ZC3HC1: variants seen among roughly 807,000 people sequenced by gnomAD.
ZC3HC1 encodes the protein zinc finger C3HC-type protein 1.
ZC3HC1 carries 38 observed loss-of-function variants against 61.9 expected under a neutral mutation model. The observed-to-expected ratio is 0.61, with a 90% confidence interval of 0.47 to 0.81. The LOEUF (loss-of-function observed/expected upper bound fraction) is 0.81, where lower values mean the gene tolerates loss of function less well. ZC3HC1 is among the 30% of genes least tolerant of loss of function. The probability of loss-of-function intolerance (pLI) is 0.00; values close to 1 mark genes in which losing one functional copy is unlikely to be tolerated. For missense variants in ZC3HC1, 554 were observed against 622.7 expected, an observed-to-expected ratio of 0.89 and a Z score of 1.17; for synonymous variants, 213 against 229.9, an observed-to-expected ratio of 0.93 and a Z score of 0.67.
At chr7:130,019,809 GTTTTTTTTTT>G (rs754542017) in intron 9 of ZC3HC1, among the ~76,000 whole-genome samples, 5 of 95,796 alleles carry the variant, frequency 5.2e-5, no homozygotes, top group African/African-American at 2.1e-4. Context: ...GCTTTCACAG[GTTTTTTTTTT>G]TTTTTTTTTT....
At chr7:130,030,549 A>G (rs569195390) in intron 4 of ZC3HC1, among the ~76,000 whole-genome samples, 3 of 151,910 alleles carry the variant, frequency 2.0e-5, no homozygotes, top group Admixed American at 6.6e-5. Context: ...AGGGATTCAT[A>G]GGAAAAGTGA....
intron 4 of ZC3HC1, among the ~76,000 whole-genome samples, chr7:130,038,024 A>G (rs55828334): frequency 0.087 from 13,295 of 152,220 alleles, 856 homozygotes; most frequent in East Asian, 0.22. Flanking sequence ...TCAAACTCCT[A>G]AACTCAAGCA....
chr7:130,027,579 G>T (rs1211449201), intron 5 of ZC3HC1, among the ~76,000 whole-genome samples: 2 of 152,018 alleles, frequency 1.3e-5, no homozygotes, highest in Non-Finnish European at 2.9e-5. Context: ...GAGTGCAATG[G>T]TGCGATCTCG....
chr7:130,040,046 T>A (rs1250547617), intron 3 of ZC3HC1, among the ~76,000 whole-genome samples: 1 of 151,650 alleles, frequency 6.6e-6, no homozygotes. Context: ...AGCAGAGCAT[T>A]CCAAAGTGTG....
intron 4 of ZC3HC1, among the ~76,000 whole-genome samples, chr7:130,035,416 G>A (rs1794394381): frequency 6.6e-6 from 1 of 150,802 alleles, no homozygotes. Flanking sequence ...AAACAGCCGA[G>A]TGAAGTGGCT....
Position 130,023,991 on chromosome 7 carries a change from G to A in ZC3HC1, c.1021-268C>T, listed in dbSNP as rs1171104830. On this transcript the variant is annotated intron_variant, in intron 7 of 9. Coordinates refer to ENST00000358303, the MANE Select transcript of ZC3HC1 (RefSeq NM_016478.5). The surrounding 1 kb of genome is among the most constrained non-coding windows in gnomAD (Gnocchi z 4.2). ...ATTTTTGCATTTTTGGTAGAGACGG[G>A]GTTTCACCATGTTGGCCAGGCTGGT... Among the ~76,000 whole-genome samples, 1 of 151,906 alleles carries A rather than the reference G, an allele frequency of 6.6e-6. No homozygotes were observed. Among genetic ancestry groups the A allele is most frequent in the Non-Finnish European group, 1.5e-5 (1 of 67,984 alleles).
At chr7:130,050,500 A>C (rs1795035599) in intron 1 of ZC3HC1, 4 of 1,479,128 alleles carry the variant, frequency 2.7e-6, no homozygotes, top group Non-Finnish European at 3.6e-6. Context: ...TAGGCCAAAA[A>C]AAATTCACAG....
intron 4 of ZC3HC1, among the ~76,000 whole-genome samples, chr7:130,029,843 G>A (rs1794098862): frequency 6.6e-6 from 1 of 152,096 alleles, no homozygotes; most frequent in African/African-American, 2.4e-5. Context: ...AACTTACTGT[G>A]AGCTAAGAAT....
At chr7:130,050,842 A>G (rs1795047123) in intron 1 of ZC3HC1, among the ~76,000 whole-genome samples, 1 of 152,198 alleles carries the variant, frequency 6.6e-6, no homozygotes, top group Non-Finnish European at 1.5e-5. Flanking sequence ...TTATAATCCT[A>G]TGTAATTTAC....
rs2116665628 is a variant in ZC3HC1 at position 130,024,319 on chromosome 7, G to A, written c.964C>T (p.Pro322Ser). 1 of 1,614,134 alleles carries A rather than the reference G, an allele frequency of 6.2e-7. No individual in the cohort carries two copies. Among genetic ancestry groups the A allele is most frequent in the Non-Finnish European group, 8.5e-7 (1 of 1,180,014 alleles). ...TGGCTCCGGGTCATCATCCTCCGAGGAGATTCAGGCACCAGAGGTAAGCGC... is the reference window on the plus strand; with the variant it reads ...TGGCTCCGGGTCATCATCCTCCGAGAAGATTCAGGCACCAGAGGTAAGCGC... ...PERLPLVPES[P>S]RRMMTRSQDA... Residue 322 changes from proline (P) to serine (S), a missense_variant, in exon 7 of 10, where the codon CCT becomes TCT. Pro to Ser is a moderately conservative substitution (Grantham distance 74, BLOSUM62 -1). Coordinates refer to ENST00000358303, the MANE Select transcript of ZC3HC1 (RefSeq NM_016478.5).
intron 9 of ZC3HC1, among the ~76,000 whole-genome samples, chr7:130,019,642 T>C (rs1381477024): frequency 2.0e-5 from 3 of 152,008 alleles, no homozygotes; most frequent in African/African-American, 2.4e-5. Context: ...AGTAATTCAT[T>C]AGGAGACAAA....
chr7:130,043,874 C>G (rs1309073214), intron 2 of ZC3HC1: 4 of 455,028 alleles, frequency 8.8e-6, no homozygotes, highest in Non-Finnish European at 1.8e-5. Flanking sequence ...GGGGATTGAT[C>G]AAAGTAGTAA....
chr7:130,040,825 AT>A (rs1794627470), intron 3 of ZC3HC1, 125 bp downstream of exon 3: 1 of 996,390 alleles, frequency 1.0e-6, no homozygotes, highest in Non-Finnish European at 1.5e-6. Flanking sequence ...AAAAAAAAAG[AT>A]TAAAAAAAAA....
intron 4 of ZC3HC1, among the ~76,000 whole-genome samples, chr7:130,036,365 C>T (rs1361895375): frequency 6.6e-6 from 1 of 151,838 alleles, no homozygotes; most frequent in Non-Finnish European, 1.5e-5. Flanking sequence ...AAAAATAACA[C>T]TTTGGGAGGC....
At position 130,024,410 on chromosome 7, in the gene ZC3HC1, C is replaced by A; in HGVS notation, c.873G>T (p.Met291Ile). Residue 291 changes from methionine to isoleucine, a missense_variant, in exon 7 of 10, where the codon ATG (methionine) becomes ATT (isoleucine). Coordinates refer to ENST00000358303, the MANE Select transcript of ZC3HC1 (RefSeq NM_016478.5). Reference sequence around the variant, plus strand: ...GGCCAAAGGATGCATCCAGGTCAGTCATGGACGATTCAATCTGCTGGAAGC... The same window carrying A: ...GGCCAAAGGATGCATCCAGGTCAGTAATGGACGATTCAATCTGCTGGAAGC... Reference protein sequence around the residue: ...LWGFQQIESSMTDLDASFGLT... With the variant: ...LWGFQQIESSITDLDASFGLT... 1 of 1,614,116 alleles carries A rather than the reference C, an allele frequency of 6.2e-7. No individual in the cohort carries two copies. Among genetic ancestry groups the A allele is most frequent in the South Asian group, 1.1e-5 (1 of 91,072 alleles).
At chr7:130,027,997 T>C (rs1051715802) in intron 5 of ZC3HC1, among the ~76,000 whole-genome samples, 2 of 149,454 alleles carry the variant, frequency 1.3e-5, no homozygotes, top group Non-Finnish European at 3.0e-5. Context: ...TGAAACCCTG[T>C]CTCTACTAAA....
intron 4 of ZC3HC1, chr7:130,036,815 A>C (rs1375363204): frequency 2.6e-5 from 4 of 152,212 alleles, no homozygotes; most frequent in Admixed American, 2.6e-4. Flanking sequence ...TGGATAGGTC[A>C]AAGTGGGTGA....
At chr7:130,046,570 G>C (rs1402501887) in intron 2 of ZC3HC1, among the ~76,000 whole-genome samples, 1 of 149,380 alleles carries the variant, frequency 6.7e-6, no homozygotes, top group Non-Finnish European at 1.5e-5. Context: ...TGGCACCACT[G>C]TACTCCAGCC....
At chr7:130,043,134 G>C (rs1794744104) in intron 2 of ZC3HC1, among the ~76,000 whole-genome samples, 1 of 152,058 alleles carries the variant, frequency 6.6e-6, no homozygotes, top group African/African-American at 2.4e-5. Context: ...AAAATCAGCT[G>C]GGTGTGGTAG....
Sources: allele counts gnomAD v4.1 joint callset (sites outside exome capture counted in the v4.1 genomes callset), GRCh38; gene constraint gnomAD v4.1.1; non-coding constraint Gnocchi (gnomAD v3.1); transcripts MANE v1.5; gene names NCBI Gene and HGNC (gene_info 2026-07-23, HGNC 2026-07-21).